Variants in TRERF1 observed in about 807,000 individuals in gnomAD.
TRERF1 encodes the protein transcriptional regulating factor 1, also known as transcriptional-regulating factor 1.
A neutral mutation model predicts 122.9 loss-of-function variants in TRERF1; 27 were observed. The observed-to-expected ratio is 0.22, with a 90% CI of 0.16 to 0.30. TRERF1 has a LOEUF of 0.30. Among genes scored for constraint, TRERF1 ranks in the 10% least tolerant of loss-of-function variants. The pLI is 1.00. For synonymous variants in TRERF1, 636 were observed against 641.7 expected (o/e 0.99, Z 0.13); for missense variants, 1,248 against 1,560.3 (o/e 0.80, Z 3.37).
chr6:42,320,191 A>T (rs183811047), intron 3 of TRERF1, among the ~76,000 whole-genome samples: 1 of 152,024 alleles, frequency 6.6e-6, no homozygotes, highest in Admixed American at 6.6e-5. Flanking sequence ...GAGCCACCGC[A>T]CCCAGCCATA....
At chr6:42,271,478 G>A (rs1780205489) in intron 4 of TRERF1, among the ~76,000 whole-genome samples, 1 of 152,058 alleles carries the variant, frequency 6.6e-6, no homozygotes, top group African/African-American at 2.4e-5. Flanking sequence ...AGACCTGGAT[G>A]GTAACTGCAT....
chr6:42,331,936 CA>C (rs1168072236), intron 3 of TRERF1, among the ~76,000 whole-genome samples: 1 of 152,170 alleles, frequency 6.6e-6, no homozygotes, highest in Non-Finnish European at 1.5e-5. Context: ...CCTGAAAAAT[CA>C]GGAAATATTC....
At chr6:42,413,574 T>A (rs1286690397) in intron 2 of TRERF1, among the ~76,000 whole-genome samples, 1 of 151,822 alleles carries the variant, frequency 6.6e-6, no homozygotes, top group Non-Finnish European at 1.5e-5. Context: ...GGTCTATAGG[T>A]GCGCGCCACC....
chr6:42,299,583 A>G (rs9462797), intron 4 of TRERF1, among the ~76,000 whole-genome samples: 20,618 of 152,194 alleles, frequency 0.14, 1,684 homozygotes, highest in African/African-American at 0.23. Context: ...AGAACATATT[A>G]TAGATGATTT....
At chr6:42,243,486 G>T (rs2149594894) in intron 14 of TRERF1, 125 bp from the exon 15 acceptor site, 1 of 640,248 alleles carries the variant, frequency 1.6e-6, no homozygotes, top group South Asian at 2.0e-5. Context: ...AGAAAAAAAT[G>T]TACCTGGTGA....
chr6:42,375,078 C>T (rs561008544), intron 2 of TRERF1, among the ~76,000 whole-genome samples: 7 of 151,896 alleles, frequency 4.6e-5, no homozygotes, highest in Admixed American at 1.3e-4. Context: ...AAATTAACAC[C>T]CCTGGAAGCT....
At position 42,255,901 on chromosome 6, in the gene TRERF1, T is replaced by A. The variant is rs536419842; in HGVS notation, c.2580+827A>T. On this transcript the variant is annotated intron_variant, in intron 12 of 17. Transcript: ENST00000372922. ...ATCCCAGCACTTTGGGAGGCCGAGG[T>A]GGGAGGATCACCTGAGGTCAGGAGT... Among the ~76,000 whole-genome samples the A allele has an allele frequency of 5.3e-5, 8 of 151,778 alleles. No homozygotes were observed. The South Asian group carries it at 1.7e-3, about 32-fold the overall frequency.
chr6:42,277,905 GGAA>G (rs70987587), intron 4 of TRERF1, among the ~76,000 whole-genome samples: 13,101 of 84,664 alleles, frequency 0.15, 1,066 homozygotes, highest in Middle Eastern at 0.18. Context: ...GAAGGAAGAA[GGAA>G]GAAGAAGAAG....
chr6:42,288,422 GC>G lies in TRERF1; in HGVS notation c.-259+12215del, dbSNP rs1377751084. Among the ~76,000 whole-genome samples, 8 of 152,064 alleles carry G rather than the reference GC, an allele frequency of 5.3e-5. No individual in the cohort carries two copies. In the East Asian group the frequency reaches 1.2e-3, roughly 22 times the overall value. Reference sequence around the variant, plus strand: ...CATCTCTACTAAAAATACATCATTAGCCGGGCGTGCTGGCACTTGCCTGTAA... The same window carrying G: ...CATCTCTACTAAAAATACATCATTAGCGGGCGTGCTGGCACTTGCCTGTAA... On this transcript the variant is annotated intron_variant, in intron 4 of 17. Transcript: ENST00000372922.
chr6:42,384,249 C>T (rs1243813854), intron 2 of TRERF1, among the ~76,000 whole-genome samples: 1 of 152,040 alleles, frequency 6.6e-6, no homozygotes, highest in Non-Finnish European at 1.5e-5. Flanking sequence ...GCTTTAATAA[C>T]TTATGATTCT....
chr6:42,426,056 G>A (rs190809920), intron 2 of TRERF1, among the ~76,000 whole-genome samples: 1 of 152,152 alleles, frequency 6.6e-6, no homozygotes, highest in African/African-American at 2.4e-5. Context: ...CAAGATGCTA[G>A]GTGTCACCCA....
chr6:42,269,799 G>T lies in TRERF1; in HGVS notation c.-209C>A. On this transcript the variant is annotated 5_prime_UTR_variant, in exon 5 of 18. Transcript: ENST00000372922. This position sits in a 1 kb window ranked among gnomAD's most constrained non-coding sequence, Gnocchi z 4.9. ...GCGGGGGGTTTCACATCCTCTCCCT[G>T]GCTGAGGTATAGACCACACAGCACT... 2 of 1,394,638 alleles carry T rather than the reference G, an allele frequency of 1.4e-6. No individual in the cohort carries two copies. Among genetic ancestry groups the T allele is most frequent in the South Asian group, 1.5e-5 (1 of 65,408 alleles). 86.4% of individuals were successfully genotyped at this position (1,394,638 alleles called of 1,614,324 possible).
At chr6:42,445,643 G>A (rs1787377219) in intron 2 of TRERF1, among the ~76,000 whole-genome samples, 1 of 151,902 alleles carries the variant, frequency 6.6e-6, no homozygotes, top group Non-Finnish European at 1.5e-5. Flanking sequence ...CTTCATCTCA[G>A]GAAACAGCAC....
intron 2 of TRERF1, among the ~76,000 whole-genome samples, chr6:42,420,134 T>C (rs1428731666): frequency 1.3e-5 from 2 of 152,246 alleles, no homozygotes; most frequent in Non-Finnish European, 2.9e-5. Flanking sequence ...CTGCTATCCA[T>C]GAGATGGGAG....
rs1771256179 is a variant in TRERF1, at chr6:42,359,382, C to G, written c.-371+3615G>C. Among the ~76,000 whole-genome samples, 4 of 152,224 alleles carry G rather than the reference C, an allele frequency of 2.6e-5. No homozygotes were observed. In the South Asian group the frequency reaches 8.3e-4, roughly 32 times the overall value. ...TGACTGTGTAGCTGGTTCAGGAAAC[C>G]AAAGGCAAGCGGGGGTCACTCATCC... On this transcript the variant is annotated intron_variant, in intron 3 of 17. Coordinates refer to ENST00000372922, the Ensembl canonical transcript of TRERF1.
chr6:42,243,139 C>T, intron 15 of TRERF1, 109 bp downstream of exon 15: 1 of 881,524 alleles, frequency 1.1e-6, no homozygotes, highest in Non-Finnish European at 1.9e-6. Flanking sequence ...TCACCTCCTT[C>T]CTCTGGCTAT....
intron 3 of TRERF1, among the ~76,000 whole-genome samples, chr6:42,326,483 T>C (rs1212165527): frequency 1.3e-5 from 2 of 152,130 alleles, no homozygotes; most frequent in Non-Finnish European, 2.9e-5. Context: ...AAACAAAACA[T>C]GAATGACAGA....
chr6:42,407,039 A>T (rs983514896), intron 2 of TRERF1, among the ~76,000 whole-genome samples: 5 of 152,348 alleles, frequency 3.3e-5, no homozygotes, highest in African/African-American at 1.2e-4. Context: ...AAGAAGCTCA[A>T]GGTCATCTAG....
downstream of TRERF1, chr6:42,225,213 T>TC (rs1334463366): frequency 6.7e-6 from 1 of 150,244 alleles, no homozygotes; most frequent in Non-Finnish European, 1.5e-5. Flanking sequence ...TTTTTTTCTT[T>TC]TTTTTTTTTT....
Sources: allele counts gnomAD v4.1 joint callset (sites outside exome capture counted in the v4.1 genomes callset), GRCh38; gene constraint gnomAD v4.1.1; non-coding constraint Gnocchi (gnomAD v3.1); transcripts MANE v1.5; gene names NCBI Gene and HGNC (gene_info 2026-07-23, HGNC 2026-07-21).